Variants in ERICH5 observed in about 807,000 individuals in gnomAD.
ERICH5 encodes glutamate rich 5, also known as glutamate-rich protein 5.
ERICH5 carries 24 observed loss-of-function variants against 28.0 expected under a neutral mutation model. That is an observed-to-expected ratio of 0.86 (90% CI 0.62 to 1.21). The LOEUF is 1.21. ERICH5 is among the 50% of genes most tolerant of loss of function. The pLI is 0.00. For missense variants in ERICH5, 421 were observed against 441.2 expected, an observed-to-expected ratio of 0.95 and a Z score of 0.41; for synonymous variants, 163 against 157.6, an observed-to-expected ratio of 1.03 and a Z score of -0.25.
chr8:98,070,654 G>A lies in ERICH5; in HGVS notation c.58+5927G>A, dbSNP rs548601148. 4.2e-4 allele frequency among the ~76,000 whole-genome samples: 11 copies of A among 26,322 alleles called. No individual in the cohort carries two copies. In the South Asian group the frequency reaches 8.2e-3, roughly 20 times the overall value. 17.3% of individuals were successfully genotyped at this position (26,322 alleles called of 152,430 possible). On this transcript the variant is annotated intron_variant, in intron 1 of 2. Transcript: ENST00000318528. ...CAGCCTGGGCAACAAGAGTGAAACT[G>A]CATCTCAAAAAAAAAAAAAAAAAAA...
At chr8:98,079,011 AC>A (rs1200120171) in intron 1 of ERICH5, among the ~76,000 whole-genome samples, 6 of 152,178 alleles carry the variant, frequency 3.9e-5, no homozygotes, top group Non-Finnish European at 8.8e-5. Context: ...GTGAGGATTC[AC>A]AAAATCATAC....
chr8:98,073,719 AT>A (rs1290700606), intron 1 of ERICH5, among the ~76,000 whole-genome samples: 2 of 147,700 alleles, frequency 1.4e-5, no homozygotes, highest in Non-Finnish European at 3.0e-5. Context: ...ATTTTTGTAT[AT>A]TTAGTAGAGA....
chr8:98,081,155 G>A (rs529706566), intron 1 of ERICH5, among the ~76,000 whole-genome samples: 1 of 151,692 alleles, frequency 6.6e-6, no homozygotes, highest in Admixed American at 6.6e-5. Context: ...TCCCAGGCTG[G>A]AGTGCAGTGG....
chr8:98,089,099 A>G lies in ERICH5; in HGVS notation c.82A>G (p.Thr28Ala), dbSNP rs761699745. The change falls in exon 2 of 3, where the codon ACT becomes GCT. Residue 28 changes from threonine to alanine, a missense_variant. Physicochemically the swap from Thr to Ala is moderately conservative, Grantham distance 58. Transcript: ENST00000318528. ...PSVTSNEHFS[T>A]AEESESCFAQ... is the part of the protein sequence containing the mutation. ...AGTAACTTCAAATGAGCATTTTTCA[A>G]CTGCAGAAGAAAGTGAGTCCTGCTT... 3.1e-6 allele frequency: 5 copies of G among 1,604,032 alleles called. No individual in the cohort carries two copies. The South Asian group carries it at 4.5e-5, about 14-fold the overall frequency.
rs1563751221 is a variant in ERICH5, at chr8:98,064,689, C to A, written c.20C>A (p.Ala7Asp). The A allele has an allele frequency of 2.0e-6, 3 of 1,536,564 alleles. No homozygotes were observed. The Admixed American group carries it at 5.9e-5, about 30-fold the overall frequency. MGCSSS[A>D]LNKAGDSSRF... is the part of the protein sequence containing the mutation. ...CCCGCAATGGGCTGCTCCAGCAGCG[C>A]CCTCAACAAGGCCGGCGACAGCAGC... Residue 7 changes from alanine to aspartate, a missense_variant, in exon 1 of 3, where the codon GCC becomes GAC. Transcript: ENST00000318528.
chr8:98,076,620 G>A (rs1359454000), intron 1 of ERICH5, among the ~76,000 whole-genome samples: 2 of 152,106 alleles, frequency 1.3e-5, no homozygotes, highest in East Asian at 1.9e-4. Context: ...AGGCAGCAAC[G>A]CCTGTGGAGA....
intron 1 of ERICH5, 77 bp downstream of exon 1, chr8:98,064,804 G>A: frequency 8.1e-7 from 1 of 1,234,514 alleles, no homozygotes; most frequent in Non-Finnish European, 1.1e-6. Context: ...TCCAAAGGGT[G>A]TGTCCCGTGG....
intron 1 of ERICH5, among the ~76,000 whole-genome samples, chr8:98,070,660 C>CAAAAAAAAAGAAAAAAAAAAA (rs1814897313): frequency 2.6e-5 from 1 of 38,758 alleles, no homozygotes. Flanking sequence ...AACTGCATCT[C>CAAAAAAAAAGAAAAAAAAAAA]AAAAAAAAAA....
At chr8:98,073,998 G>T (rs1009256601) in intron 1 of ERICH5, among the ~76,000 whole-genome samples, 1 of 149,512 alleles carries the variant, frequency 6.7e-6, no homozygotes, top group Non-Finnish European at 1.5e-5. Context: ...ACTCACTGAA[G>T]CCTCGACCTC....
rs992890754 is a variant in ERICH5, at chr8:98,064,759, G to A, written c.58+32G>A. Reference sequence around the variant, plus strand: ...AGGGTACCGGCGCCGCCCGCGCCCGGGCTGGGGACTCGGGTGGGCTAACTC... The same window carrying A: ...AGGGTACCGGCGCCGCCCGCGCCCGAGCTGGGGACTCGGGTGGGCTAACTC... On this transcript the variant is annotated intron_variant, in intron 1 of 2. Coordinates refer to ENST00000318528, the MANE Select transcript of ERICH5 (RefSeq NM_173549.3). 22 of 1,518,050 alleles carry A rather than the reference G, an allele frequency of 1.4e-5. No individual in the cohort carries two copies. The East Asian group carries it at 5.4e-4, about 37-fold the overall frequency. The allele number at this position is 1,518,050 out of a possible 1,614,324, so 94.0% of individuals were successfully genotyped here.
intron 1 of ERICH5, among the ~76,000 whole-genome samples, chr8:98,086,811 C>T (rs779256646): frequency 9.9e-5 from 15 of 151,744 alleles, no homozygotes; most frequent in East Asian, 1.9e-4. Context: ...ATTAGCCGGG[C>T]GTGGTGGTGG....
chr8:98,079,570 G>A (rs200231107), intron 1 of ERICH5, among the ~76,000 whole-genome samples: 27 of 151,136 alleles, frequency 1.8e-4, no homozygotes, highest in East Asian at 6.0e-4. Context: ...ATGAAGTCTC[G>A]CTCTTGTTGC....
intron 1 of ERICH5, among the ~76,000 whole-genome samples, chr8:98,069,221 T>C (rs1437078729): frequency 6.6e-6 from 1 of 152,224 alleles, no homozygotes; most frequent in African/African-American, 2.4e-5. Flanking sequence ...GGCCTGGCGA[T>C]TGCATATGGC....
chr8:98,070,890 T>A (rs1814905319), intron 1 of ERICH5, among the ~76,000 whole-genome samples: 1 of 151,096 alleles, frequency 6.6e-6, no homozygotes, highest in African/African-American at 2.4e-5. Flanking sequence ...TTAGAAAGAG[T>A]GTCGGGTTGT....
intron 1 of ERICH5, among the ~76,000 whole-genome samples, chr8:98,075,659 G>A (rs1374512604): frequency 1.3e-5 from 2 of 152,168 alleles, no homozygotes; most frequent in African/African-American, 2.4e-5. Context: ...CTTTCAGGGT[G>A]CACAGAGCCC....
At chr8:98,065,845 A>G (rs759714868) in intron 1 of ERICH5, among the ~76,000 whole-genome samples, 1 of 152,188 alleles carries the variant, frequency 6.6e-6, no homozygotes, top group Non-Finnish European at 1.5e-5. Context: ...CAGTAACAGA[A>G]ATGTCTTCCT....
intron 1 of ERICH5, among the ~76,000 whole-genome samples, chr8:98,076,390 CTTTT>C (rs58330802): frequency 0.14 from 20,012 of 143,154 alleles, 1,561 homozygotes; most frequent in East Asian, 0.29. Flanking sequence ...ATTAGAAGGC[CTTTT>C]TTTTTTTTTT....
intron 1 of ERICH5, among the ~76,000 whole-genome samples, chr8:98,078,973 G>A (rs1815114364): frequency 6.6e-6 from 1 of 152,124 alleles, no homozygotes; most frequent in African/African-American, 2.4e-5. Flanking sequence ...AAATGATGTA[G>A]TACCTTTTTC....
chr8:98,066,937 A>G (rs2130504135), intron 1 of ERICH5, among the ~76,000 whole-genome samples: 1 of 152,340 alleles, frequency 6.6e-6, no homozygotes, highest in Admixed American at 6.5e-5. Flanking sequence ...CATGTCTGGT[A>G]CATGCATTTA....
Sources: gnomAD v4.1 joint callset for allele counts (sites outside exome capture counted in the v4.1 genomes callset) on GRCh38, gnomAD v4.1.1 for gene constraint, MANE v1.5 for transcripts, NCBI Gene and HGNC (gene_info 2026-07-23, HGNC 2026-07-21) for gene names.